Variants in ZNF407 observed in about 807,000 individuals in gnomAD.
ZNF407 encodes the protein zinc finger protein 407.
ZNF407 carries 17 observed loss-of-function variants against 131.2 expected under a neutral mutation model. The observed-to-expected ratio is 0.13, with a 90% CI of 0.09 to 0.19. ZNF407 has a LOEUF of 0.19. Among genes scored for constraint, ZNF407 ranks in the 10% least tolerant of loss-of-function variants. ZNF407 has a pLI of 1.00. For synonymous variants in ZNF407, 1,156 were observed against 1,062.0 expected, an observed-to-expected ratio of 1.09 and a Z score of -1.72; for missense variants, 2,681 against 2,830.6, an observed-to-expected ratio of 0.95 and a Z score of 1.20.
intron 1 of ZNF407, among the ~76,000 whole-genome samples, chr18:74,610,453 C>T (rs1983006192): frequency 6.6e-6 from 1 of 152,176 alleles, no homozygotes; most frequent in Non-Finnish European, 1.5e-5. Flanking sequence ...GGTAATTACC[C>T]ATTTAGGTAA....
chr18:74,741,116 A>T (rs1401241842), intron 3 of ZNF407, among the ~76,000 whole-genome samples: 1 of 152,184 alleles, frequency 6.6e-6, no homozygotes, highest in African/African-American at 2.4e-5. Context: ...TGGCTTATGG[A>T]AGTCCTTCAG....
At chr18:74,660,273 G>A (rs1985656924) in intron 3 of ZNF407, among the ~76,000 whole-genome samples, 1 of 152,076 alleles carries the variant, frequency 6.6e-6, no homozygotes, top group African/African-American at 2.4e-5. Flanking sequence ...TGGTCAAGTT[G>A]CAAGATTTGA....
intron 7 of ZNF407, among the ~76,000 whole-genome samples, chr18:74,894,749 C>A (rs1487374130): frequency 1.3e-5 from 2 of 152,038 alleles, no homozygotes; most frequent in East Asian, 1.9e-4. Flanking sequence ...TTAAGGATAA[C>A]CCTACATTGC....
intron 8 of ZNF407, among the ~76,000 whole-genome samples, chr18:74,926,559 G>A (rs535857037): frequency 7.9e-5 from 12 of 152,178 alleles, no homozygotes; most frequent in East Asian, 3.9e-4. Context: ...ATCCCAGCAC[G>A]TTGGCTGGCC....
chr18:75,040,713 A>G (rs1973362729), intron 8 of ZNF407, among the ~76,000 whole-genome samples: 1 of 152,226 alleles, frequency 6.6e-6, no homozygotes, highest in Admixed American at 6.5e-5. Flanking sequence ...TTCCTAAAAG[A>G]TAAACTATCT....
chr18:74,843,415 C>CATAT (rs144397588), intron 4 of ZNF407, among the ~76,000 whole-genome samples: 1 of 152,082 alleles, frequency 6.6e-6, no homozygotes, highest in Non-Finnish European at 1.5e-5. Flanking sequence ...CCAGTGGAGA[C>CATAT]ATATATATAT....
At chr18:74,958,972 G>A (rs1407693281) in intron 8 of ZNF407, among the ~76,000 whole-genome samples, 1 of 152,184 alleles carries the variant, frequency 6.6e-6, no homozygotes, top group African/African-American at 2.4e-5. Flanking sequence ...ACACTTGGAT[G>A]ATGCCTTTAA....
intron 8 of ZNF407, among the ~76,000 whole-genome samples, chr18:74,972,970 A>G (rs1233045495): frequency 6.6e-6 from 1 of 152,168 alleles, no homozygotes; most frequent in Admixed American, 6.5e-5. Context: ...CTAGGTCTTA[A>G]GTCTGCCATT....
Position 75,063,534 on chromosome 18 carries a change from C to T in ZNF407, c.5813C>T (p.Ala1938Val). 1.9e-6 allele frequency: 3 copies of T among 1,574,422 alleles called. No individual in the cohort carries two copies. The highest frequency in any genetic ancestry group is 8.6e-7 in the Non-Finnish European group (1 of 1,161,530). Residue 1938 changes from alanine to valine, a missense_variant, in exon 9 of 9, where the codon GCC becomes GTC. Ala to Val is a moderately conservative substitution (Grantham distance 64). Transcript: ENST00000299687. This position sits in a 1 kb window ranked among gnomAD's most constrained non-coding sequence, Gnocchi z 6.6. ...CTCCCCGAGCAGCTGGCTGATGGAG[C>T]CACCCAGGTGGTCGTCGTGGGGGGC... ...PILPEQLADG[A>V]TQVVVVGGSM... is the part of the protein sequence containing the mutation.
chr18:74,618,822 G>A (rs936058315), intron 1 of ZNF407, among the ~76,000 whole-genome samples: 1 of 152,128 alleles, frequency 6.6e-6, no homozygotes, highest in Admixed American at 6.5e-5. Flanking sequence ...ATTAAAAAAT[G>A]TAATACTTAA....
intron 8 of ZNF407, among the ~76,000 whole-genome samples, chr18:75,052,420 A>G (rs911300836): frequency 1.3e-5 from 2 of 152,112 alleles, no homozygotes; most frequent in African/African-American, 4.8e-5. Flanking sequence ...ACAGAATGCC[A>G]CTGCTCTCCC....
At chr18:74,870,843 C>T (rs753245100) in intron 4 of ZNF407, among the ~76,000 whole-genome samples, 1 of 151,960 alleles carries the variant, frequency 6.6e-6, no homozygotes, top group African/African-American at 2.4e-5. Context: ...AATTTAAGCA[C>T]GATATATAGT....
chr18:74,681,588 T>C (rs1029280596), intron 3 of ZNF407, among the ~76,000 whole-genome samples: 5 of 152,190 alleles, frequency 3.3e-5, no homozygotes, highest in Non-Finnish European at 5.9e-5. Context: ...GTTGAGATGT[T>C]GTGTTATAGA....
At chr18:74,734,269 G>C (rs1305656530) in intron 3 of ZNF407, among the ~76,000 whole-genome samples, 1 of 152,064 alleles carries the variant, frequency 6.6e-6, no homozygotes, top group Non-Finnish European at 1.5e-5. Context: ...TTGAAACCAG[G>C]GTCCTGTCCA....
chr18:74,920,804 G>T, intron 8 of ZNF407, 112 bp downstream of exon 8: 3 of 1,365,254 alleles, frequency 2.2e-6, no homozygotes, highest in Non-Finnish European at 1.9e-6. Context: ...TAGAGTATGT[G>T]ATAGTATCTG....
intron 3 of ZNF407, among the ~76,000 whole-genome samples, chr18:74,654,843 C>A (rs1985381788): frequency 6.6e-6 from 1 of 151,676 alleles, no homozygotes; most frequent in African/African-American, 2.4e-5. Flanking sequence ...GGCTATAGTT[C>A]ACTACCAAAT....
chr18:74,722,376 G>C (rs150136088), intron 3 of ZNF407, among the ~76,000 whole-genome samples: 1 of 152,134 alleles, frequency 6.6e-6, no homozygotes, highest in Admixed American at 6.5e-5. Context: ...TGTCTTACTG[G>C]TTTTTCATTT....
At chr18:74,727,069 G>A (rs1388313260) in intron 3 of ZNF407, among the ~76,000 whole-genome samples, 5 of 152,152 alleles carry the variant, frequency 3.3e-5, no homozygotes, top group African/African-American at 1.2e-4. Context: ...CTCTACAAAT[G>A]TTGGGTTTCT....
chr18:74,857,078 C>T (rs769161622), intron 4 of ZNF407, among the ~76,000 whole-genome samples: 6 of 152,130 alleles, frequency 3.9e-5, no homozygotes, highest in Non-Finnish European at 7.4e-5. Flanking sequence ...GATCTTACAG[C>T]GTATACTGCA....
Sources: gnomAD v4.1 joint callset for allele counts (sites outside exome capture counted in the v4.1 genomes callset) on GRCh38, gnomAD v4.1.1 for gene constraint, Gnocchi (gnomAD v3.1) non-coding constraint, MANE v1.5 for transcripts, NCBI Gene and HGNC (gene_info 2026-07-23, HGNC 2026-07-21) for gene names.